Variants in UBR2 observed in about 807,000 individuals in gnomAD.
The protein encoded by UBR2 is ubiquitin protein ligase E3 component n-recognin 2, also known as E3 ubiquitin-protein ligase UBR2.
A neutral mutation model predicts 247.9 loss-of-function variants in UBR2; 92 were observed. That is an observed-to-expected ratio of 0.37 (90% CI 0.31 to 0.44). The LOEUF (loss-of-function observed/expected upper bound fraction) is 0.44, where lower values mean the gene tolerates loss of function less well. Among genes scored for constraint, UBR2 ranks in the 20% least tolerant of loss-of-function variants. The probability of loss-of-function intolerance (pLI) is 1.00; values close to 1 mark genes in which losing one functional copy is unlikely to be tolerated. For synonymous variants in UBR2, 672 were observed against 693.5 expected (o/e 0.97, Z 0.49); for missense variants, 1,613 against 2,112.6 (o/e 0.76, Z 4.64).
At chr6:42,646,971 G>A (rs182210815) in intron 21 of UBR2, among the ~76,000 whole-genome samples, 11 of 151,814 alleles carry the variant, frequency 7.2e-5, no homozygotes, top group Admixed American at 3.9e-4. Context: ...ACAGGCGCAC[G>A]CCACCATGCC....
chr6:42,685,087 G>T (rs948119202), intron 44 of UBR2, among the ~76,000 whole-genome samples: 1 of 152,182 alleles, frequency 6.6e-6, no homozygotes, highest in African/African-American at 2.4e-5. Context: ...GCCGAGGTGG[G>T]TGGATCACCT....
chr6:42,614,639 G>A (rs1794425017), intron 8 of UBR2, among the ~76,000 whole-genome samples: 1 of 152,014 alleles, frequency 6.6e-6, no homozygotes, highest in African/African-American at 2.4e-5. Context: ...AAAATGCATT[G>A]CTATATATTA....
chr6:42,612,603 T>A (rs888891647), intron 8 of UBR2, among the ~76,000 whole-genome samples: 6 of 152,206 alleles, frequency 3.9e-5, no homozygotes, highest in Admixed American at 2.0e-4. Context: ...AATTTTTTTT[T>A]AAACTTTTTT....
At position 42,663,385 on chromosome 6, in the gene UBR2, C is replaced by G; in HGVS notation, c.3664C>G (p.Pro1222Ala). Residue 1222 changes from proline to alanine, a missense_variant, in exon 32 of 47, where the codon CCT becomes GCT. This residue lies in a region of UBR2 where 1,524 missense variants were observed against 1,967.3 expected (regional missense o/e 0.77). Coordinates refer to ENST00000372901, the MANE Select transcript of UBR2 (RefSeq NM_001363705.2). The stretch of plus-strand genomic sequence containing the variant: ...TGAATGCTTGAGTAATACTGTTATT[C>G]CTCTGCTGCTTCCTCCAAGAAATAT... ...LCECLSNTVI[P>A]LLLPPRNIFN... 1 of 1,611,116 alleles carries G rather than the reference C, an allele frequency of 6.2e-7. No homozygotes were observed. The highest frequency in any genetic ancestry group is 8.5e-7 in the Non-Finnish European group (1 of 1,178,986).
chr6:42,603,663 G>A lies in UBR2; in HGVS notation c.607G>A (p.Val203Ile), dbSNP rs916702000. Residue 203 changes from valine (V) to isoleucine (I), a missense_variant, in exon 5 of 47, where the codon GTA becomes ATA. This residue lies in a region of UBR2 where 1,524 missense variants were observed against 1,967.3 expected (regional missense o/e 0.77). Transcript: ENST00000372901. ...NIFAITFRYA[V>I]EILTWEKESE... ...TTTTGCTATTACGTTTCGGTATGCA[G>A]TAGAAATATTAACCTGGGAAAAAGA... 1.2e-6 allele frequency: 2 copies of A among 1,601,974 alleles called. No individual in the cohort carries two copies. The highest frequency in any genetic ancestry group is 1.7e-6 in the Non-Finnish European group (2 of 1,177,306).
At chr6:42,574,864 A>G (rs900642162) in intron 2 of UBR2, among the ~76,000 whole-genome samples, 7 of 151,882 alleles carry the variant, frequency 4.6e-5, no homozygotes, top group African/African-American at 1.5e-4. Flanking sequence ...ATGCCCAGTT[A>G]ATTTTTGTAT....
chr6:42,605,036 A>AG (rs760929095), intron 5 of UBR2, among the ~76,000 whole-genome samples: 4 of 152,036 alleles, frequency 2.6e-5, no homozygotes, highest in Non-Finnish European at 5.9e-5. Context: ...CAAAAAAAAA[A>AG]CAAAAAACAA....
At chr6:42,666,396 A>G in intron 34 of UBR2, 151 bp downstream of exon 34, 1 of 609,388 alleles carries the variant, frequency 1.6e-6, no homozygotes, top group South Asian at 2.6e-5. Flanking sequence ...AGGCTGAGAC[A>G]GGAGGATAGT....
At chr6:42,567,509 T>G (rs536904211) in intron 1 of UBR2, among the ~76,000 whole-genome samples, 140 of 152,140 alleles carry the variant, frequency 9.2e-4, no homozygotes, top group African/African-American at 3.1e-3. Flanking sequence ...GGAGGGCAGA[T>G]CACAAGGTCA....
At chr6:42,687,590 G>A (rs979686709) in intron 44 of UBR2, among the ~76,000 whole-genome samples, 2 of 152,004 alleles carry the variant, frequency 1.3e-5, no homozygotes, top group African/African-American at 4.8e-5. Context: ...GCCCAGGCTG[G>A]AGTGCAGTGG....
chr6:42,628,534 C>T (rs1795495104), intron 11 of UBR2, among the ~76,000 whole-genome samples: 1 of 151,888 alleles, frequency 6.6e-6, no homozygotes, highest in African/African-American at 2.4e-5. Context: ...CCAGCCTGGC[C>T]AACATGGTGA....
At chr6:42,600,985 A>G (rs1345064430) in intron 4 of UBR2, among the ~76,000 whole-genome samples, 1 of 152,218 alleles carries the variant, frequency 6.6e-6, no homozygotes, top group Non-Finnish European at 1.5e-5. Flanking sequence ...TGACATTTTA[A>G]TTCAAATAGG....
intron 13 of UBR2, 81 bp from the exon 14 acceptor site, chr6:42,635,337 C>A (rs1170415883): frequency 2.9e-6 from 4 of 1,367,916 alleles, no homozygotes; most frequent in African/African-American, 1.5e-5. Flanking sequence ...ATATATATTT[C>A]TCCTACATTA....
At chr6:42,677,397 A>G (rs189731662) in intron 40 of UBR2, among the ~76,000 whole-genome samples, 41 of 152,322 alleles carry the variant, frequency 2.7e-4, no homozygotes, top group African/African-American at 9.9e-4. Flanking sequence ...ACCTATAAAA[A>G]TGTCTGTTTT....
chr6:42,681,583 AAAAAG>A (rs1475722847), intron 42 of UBR2, among the ~76,000 whole-genome samples: 1 of 122,858 alleles, frequency 8.1e-6, no homozygotes, highest in African/African-American at 3.2e-5. Context: ...ACTTTTTTAA[AAAAAG>A]AAAATTACAA....
intron 2 of UBR2, among the ~76,000 whole-genome samples, chr6:42,582,822 T>C (rs958547541): frequency 6.6e-6 from 1 of 152,198 alleles, no homozygotes; most frequent in Admixed American, 6.5e-5. Flanking sequence ...TGCCATTCTA[T>C]TTAATGATAT....
chr6:42,662,441 T>C (rs1797871363), intron 31 of UBR2, among the ~76,000 whole-genome samples, 164 bp downstream of exon 31: 1 of 152,220 alleles, frequency 6.6e-6, no homozygotes, highest in African/African-American at 2.4e-5. Flanking sequence ...TTGTCATAGA[T>C]GTAAAGTGTA....
rs111522552 is a variant in UBR2, at chr6:42,585,596, C to T, written c.339-6555C>T. Among the ~76,000 whole-genome samples, 173 of 152,146 alleles carry T rather than the reference C, an allele frequency of 1.1e-3. 1 individual carries two copies. Among genetic ancestry groups the T allele is most frequent in the African/African-American group, 3.9e-3 (163 of 41,530 alleles). The stretch of plus-strand genomic sequence containing the variant: ...TTTTTTGCAAGGAAGTATTTGGTAA[C>T]GATTCAATTTCTTTGATGTTTATTA... On this transcript the variant is annotated intron_variant, in intron 2 of 46. Coordinates refer to ENST00000372901, the MANE Select transcript of UBR2 (RefSeq NM_001363705.2).
chr6:42,644,393 T>G lies in UBR2; in HGVS notation c.2220+57T>G, dbSNP rs1796627678. The G allele has an allele frequency of 4.4e-6, 7 of 1,605,738 alleles. No individual in the cohort carries two copies. In the African/African-American group the frequency reaches 6.7e-5, roughly 15 times the overall value. ...TTGCTAAAGAAGCATCTTTCCTTCT[T>G]TTTGGATATGTTAATCCTCTGAGAT... On this transcript the variant is annotated intron_variant, in intron 19 of 46. Coordinates refer to ENST00000372901, the MANE Select transcript of UBR2 (RefSeq NM_001363705.2).
Sources: allele counts gnomAD v4.1 joint callset (sites outside exome capture counted in the v4.1 genomes callset), GRCh38; gene constraint gnomAD v4.1.1; regional missense constraint gnomAD v4.1.1; transcripts MANE v1.5; gene names NCBI Gene and HGNC (gene_info 2026-07-23, HGNC 2026-07-21).